UBE3C: variants seen among roughly 807,000 people sequenced by gnomAD.
UBE3C encodes the protein ubiquitin protein ligase E3C.
UBE3C carries 42 observed loss-of-function variants against 129.4 expected under a neutral mutation model. The ratio of observed to expected loss-of-function variants is 0.32; its 90% CI spans 0.25 to 0.42. UBE3C has a LOEUF of 0.42. UBE3C is among the 10% of genes least tolerant of loss of function. UBE3C has a pLI of 1.00. For synonymous variants in UBE3C, 510 were observed against 492.4 expected, an observed-to-expected ratio of 1.04 and a Z score of -0.47; for missense variants, 1,049 against 1,319.1, an observed-to-expected ratio of 0.80 and a Z score of 3.17.
chr7:157,173,775 A>G (rs1808442606), intron 4 of UBE3C, among the ~76,000 whole-genome samples: 1 of 152,190 alleles, frequency 6.6e-6, no homozygotes, highest in South Asian at 2.1e-4. Context: ...TACATGTCAG[A>G]TGGTGAAGGG....
Position 157,254,141 on chromosome 7 carries a change from A to G in UBE3C, c.2882A>G (p.Gln961Arg). 1 of 1,610,730 alleles carries G rather than the reference A, an allele frequency of 6.2e-7. No individual in the cohort carries two copies. The highest frequency in any genetic ancestry group is 1.3e-5 in the African/African-American group (1 of 74,972). ...CGAATGTTTGATCAGCAAGAAATTC[A>G]GGTACCCTACCTGCTGACTTTCTGG... ...WLRMFDQQEI[Q>R]VLISGAQVPI... Residue 961 changes from glutamine (Q) to arginine (R), a missense_variant and splice_region_variant, in exon 20 of 23, where the codon CAG (glutamine) becomes CGG (arginine). Transcript: ENST00000348165.
chr7:157,164,235 C>A (rs1036871645), intron 2 of UBE3C, among the ~76,000 whole-genome samples: 1 of 152,060 alleles, frequency 6.6e-6, no homozygotes, highest in Non-Finnish European at 1.5e-5. Context: ...TCATAGCTCA[C>A]TGTAGCCTTG....
chr7:157,216,040 G>C (rs915023504), intron 13 of UBE3C, among the ~76,000 whole-genome samples: 2 of 152,186 alleles, frequency 1.3e-5, no homozygotes, highest in African/African-American at 4.8e-5. Context: ...ACTAAGCTGT[G>C]ATGACATAGT....
intron 18 of UBE3C, among the ~76,000 whole-genome samples, chr7:157,243,631 G>A (rs1796402564): frequency 1.3e-5 from 2 of 152,154 alleles, no homozygotes; most frequent in East Asian, 3.9e-4. Context: ...AGGGGACACT[G>A]GGACAACACG....
intron 1 of UBE3C, among the ~76,000 whole-genome samples, chr7:157,153,299 C>G (rs1441328372): frequency 6.6e-6 from 1 of 152,096 alleles, no homozygotes; most frequent in East Asian, 1.9e-4. Flanking sequence ...CACATCACAT[C>G]TTGCCACTGT....
At chr7:157,228,865 A>G (rs1236123541) in intron 17 of UBE3C, among the ~76,000 whole-genome samples, 3 of 152,212 alleles carry the variant, frequency 2.0e-5, no homozygotes, top group African/African-American at 4.8e-5. Context: ...CACTCCAGGT[A>G]CGGTAACTTC....
intron 18 of UBE3C, among the ~76,000 whole-genome samples, chr7:157,237,770 G>A (rs1796189354): frequency 2.0e-5 from 3 of 152,082 alleles, no homozygotes; most frequent in Admixed American, 2.0e-4. Flanking sequence ...ATAGTGTTGG[G>A]TGCAGTAGCT....
chr7:157,214,784 A>G (rs924504225), intron 13 of UBE3C, among the ~76,000 whole-genome samples: 1 of 152,210 alleles, frequency 6.6e-6, no homozygotes, highest in Non-Finnish European at 1.5e-5. Context: ...TTGCTTTTGA[A>G]GAGTAAAATG....
intron 10 of UBE3C, among the ~76,000 whole-genome samples, chr7:157,187,382 T>A (rs1352029776): frequency 1.2e-5 from 1 of 80,128 alleles, no homozygotes; most frequent in Admixed American, 1.4e-4. Flanking sequence ...TTTTATGGGG[T>A]TTTTTTTTTT....
chr7:157,265,050 C>T (rs561060267), intron 22 of UBE3C, among the ~76,000 whole-genome samples: 2 of 152,284 alleles, frequency 1.3e-5, no homozygotes, highest in East Asian at 1.9e-4. Context: ...TAGTTGTTTA[C>T]AGCTCTTCCT....
Position 157,184,162 on chromosome 7 carries a change from G to A in UBE3C, c.1143+133G>A, listed in dbSNP as rs1808746859. The A allele has an allele frequency of 6.2e-6, 7 of 1,133,876 alleles. No individual in the cohort carries two copies. The South Asian group carries it at 8.2e-5, about 13-fold the overall frequency. 70.2% of individuals were successfully genotyped at this position (1,133,876 alleles called of 1,614,324 possible). A position where few individuals can be genotyped will look rare whatever the true frequency, so the allele number is the denominator to read the frequency against. On this transcript the variant is annotated intron_variant, in intron 9 of 22. Coordinates refer to ENST00000348165, the MANE Select transcript of UBE3C (RefSeq NM_014671.3). ...CAGCCTTTGCAGAGAAGCCCCGTCA[G>A]CCCCACTACCACAGTTTCTAGTGAT...
rs1235156175 is a variant in UBE3C at position 157,182,444 on chromosome 7, AGTGTATTTGCTG to A, written c.991+118_991+129del. ...TGGAAAGGTGGGCCTCTCCTGGAGG[AGTGTATTTGCTG>A]GAGGGATGTGGTCTGGGCAGTGTGT... On this transcript the variant is annotated intron_variant, in intron 8 of 22. Transcript: ENST00000348165. 5 of 997,006 alleles carry A rather than the reference AGTGTATTTGCTG, an allele frequency of 5.0e-6. No individual in the cohort carries two copies. In the African/African-American group the frequency reaches 8.2e-5, roughly 16 times the overall value. 61.8% of individuals were successfully genotyped at this position (997,006 alleles called of 1,614,324 possible).
chr7:157,220,930 A>G (rs1795720789), intron 15 of UBE3C, 154 bp downstream of exon 15: 1 of 835,222 alleles, frequency 1.2e-6, no homozygotes, highest in South Asian at 1.8e-5. Flanking sequence ...CACCCACAAA[A>G]TTGCCTCTAG....
chr7:157,229,597 A>C (rs180766176), intron 17 of UBE3C, among the ~76,000 whole-genome samples: 226 of 150,784 alleles, frequency 1.5e-3, no homozygotes, highest in Middle Eastern at 7.4e-3. Context: ...GATTACAGGC[A>C]TGTGCCACTG....
chr7:157,139,370 TC>T (rs1563023130), intron 1 of UBE3C, 32 bp downstream of exon 1: 17 of 1,541,742 alleles, frequency 1.1e-5, no homozygotes, highest in Non-Finnish European at 1.4e-5. Context: ...CGCCCTCGGC[TC>T]GGGGCCTGCG....
intron 11 of UBE3C, 125 bp from the exon 12 acceptor site, chr7:157,207,273 G>GT (rs1809458531): frequency 7.4e-7 from 1 of 1,356,228 alleles, no homozygotes; most frequent in Admixed American, 2.6e-5. Context: ...CCTTTAAATA[G>GT]TTTAATTCCT....
intron 1 of UBE3C, among the ~76,000 whole-genome samples, chr7:157,149,013 A>G (rs1289327022): frequency 6.6e-6 from 1 of 152,116 alleles, no homozygotes; most frequent in Non-Finnish European, 1.5e-5. Flanking sequence ...CTTTACATGT[A>G]GGAGCAAAAG....
At chr7:157,230,584 A>G (rs796614311) in intron 17 of UBE3C, among the ~76,000 whole-genome samples, 11 of 151,706 alleles carry the variant, frequency 7.3e-5, no homozygotes, top group African/African-American at 2.7e-4. Context: ...AGTCTTAGCT[A>G]CTTGGGAGGC....
In UBE3C at chr7:157,236,461, G is replaced by A. The variant is rs538369594; in HGVS notation, c.2481+5134G>A. Among the ~76,000 whole-genome samples, 6 of 152,238 alleles carry A rather than the reference G, an allele frequency of 3.9e-5. No homozygotes were observed. In the East Asian group the frequency reaches 9.6e-4, roughly 24 times the overall value. On this transcript the variant is annotated intron_variant, in intron 18 of 22. Coordinates refer to ENST00000348165, the MANE Select transcript of UBE3C (RefSeq NM_014671.3). The stretch of plus-strand genomic sequence containing the variant: ...TTCAATTAGATTGTATAACTTTGGC[G>A]TGGTTTATAATTTTTTATCGCGGTA...
Sources: gnomAD v4.1 joint callset for allele counts (sites outside exome capture counted in the v4.1 genomes callset) on GRCh38, gnomAD v4.1.1 for gene constraint, MANE v1.5 for transcripts, NCBI Gene and HGNC (gene_info 2026-07-23, HGNC 2026-07-21) for gene names.